FER: variants seen among roughly 807,000 people sequenced by gnomAD.
FER encodes tyrosine-protein kinase Fer.
In FER, 63 loss-of-function variants were observed where a neutral mutation model predicts 111.0. The observed-to-expected ratio is 0.57, with a 90% CI of 0.46 to 0.70. The LOEUF is 0.70. Ranked by LOEUF, FER falls within the 30% of genes least tolerant of loss-of-function variation. The probability of loss-of-function intolerance (pLI) is 0.00; values close to 1 mark genes in which losing one functional copy is unlikely to be tolerated. For missense variants in FER, 914 were observed against 954.0 expected, an observed-to-expected ratio of 0.96 and a Z score of 0.55; for synonymous variants, 327 against 313.9, an observed-to-expected ratio of 1.04 and a Z score of -0.44.
chr5:108,781,696 T>A (rs902752116), intron 2 of FER, among the ~76,000 whole-genome samples: 2 of 152,146 alleles, frequency 1.3e-5, no homozygotes, highest in Non-Finnish European at 2.9e-5. Flanking sequence ...TTCACAGATG[T>A]TTGTTAGCAC....
intron 10 of FER, among the ~76,000 whole-genome samples, chr5:108,912,782 G>A (rs575265408): frequency 6.6e-4 from 101 of 152,292 alleles, no homozygotes; most frequent in Admixed American, 4.2e-3. Context: ...AAAAAATTTG[G>A]GGGGTATTAC....
At chr5:109,003,637 A>G (rs1392875025) in intron 13 of FER, among the ~76,000 whole-genome samples, 1 of 151,930 alleles carries the variant, frequency 6.6e-6, no homozygotes, top group Non-Finnish European at 1.5e-5. Flanking sequence ...TTAAAAAAAT[A>G]AAAATAAAAA....
At position 109,034,723 on chromosome 5, in the gene FER, T is replaced by C. The variant is rs150034778; in HGVS notation, c.1657-2699T>C. On this transcript the variant is annotated intron_variant, in intron 13 of 19. Coordinates refer to ENST00000281092, the MANE Select transcript of FER (RefSeq NM_005246.4). The stretch of plus-strand genomic sequence containing the variant: ...TCTACATTTCAACCTATTTTTTCAG[T>C]GGTTTGCACTACAAGGATTGGGCTC... Among the ~76,000 whole-genome samples, 57 of 152,222 alleles carry C rather than the reference T, an allele frequency of 3.7e-4. No homozygotes were observed. In the East Asian group the frequency reaches 0.01, roughly 27 times the overall value.
intron 2 of FER, chr5:108,784,199 T>G (rs1436147479): frequency 6.5e-6 from 1 of 153,534 alleles, no homozygotes; most frequent in Non-Finnish European, 1.5e-5. Context: ...CCTGTCCACC[T>G]CTCAAGACAA....
intron 10 of FER, among the ~76,000 whole-genome samples, chr5:108,926,071 T>C (rs1753694355): frequency 1.2e-5 from 1 of 82,500 alleles, no homozygotes; most frequent in South Asian, 3.6e-4. Context: ...AATATTTTTC[T>C]TTTTTTTTAT....
At chr5:108,868,591 T>C (rs1052009860) in intron 6 of FER, among the ~76,000 whole-genome samples, 3 of 152,096 alleles carry the variant, frequency 2.0e-5, no homozygotes, top group Admixed American at 2.0e-4. Flanking sequence ...TCCAAATGAC[T>C]AAATTCAATT....
At chr5:108,861,616 C>T (rs1407840563) in intron 5 of FER, among the ~76,000 whole-genome samples, 1 of 152,058 alleles carries the variant, frequency 6.6e-6, no homozygotes, top group Non-Finnish European at 1.5e-5. Flanking sequence ...GATACTGTGT[C>T]TGTTGAATGA....
intron 16 of FER, among the ~76,000 whole-genome samples, chr5:109,093,461 C>T (rs796347062): frequency 2.9e-4 from 44 of 152,138 alleles, no homozygotes; most frequent in African/African-American, 8.4e-4. Flanking sequence ...ATTCTGACTA[C>T]GACCAACACA....
intron 10 of FER, among the ~76,000 whole-genome samples, chr5:108,923,794 C>T (rs1753354734): frequency 6.6e-6 from 1 of 151,876 alleles, no homozygotes; most frequent in Non-Finnish European, 1.5e-5. Flanking sequence ...CTGTTGAGAC[C>T]TTAGAGATCA....
chr5:109,147,149 T>G (rs1337212307), intron 17 of FER, among the ~76,000 whole-genome samples: 1 of 151,616 alleles, frequency 6.6e-6, no homozygotes, highest in South Asian at 2.1e-4. Flanking sequence ...GAAAACAAAT[T>G]GAACTTATTA....
intron 3 of FER, among the ~76,000 whole-genome samples, chr5:108,803,186 GT>G (rs554801059): frequency 7.3e-5 from 11 of 150,284 alleles, no homozygotes; most frequent in South Asian, 2.1e-4. Context: ...ACTTTTTAAT[GT>G]TTTTTTTTCT....
rs137928536 is a variant in FER at position 108,887,766 on chromosome 5, G to C, written c.1046+4248G>C. 1.6e-4 allele frequency among the ~76,000 whole-genome samples: 25 copies of C among 151,600 alleles called. No homozygotes were observed. In the East Asian group the frequency reaches 4.8e-3, roughly 29 times the overall value. On this transcript the variant is annotated intron_variant, in intron 9 of 19. Coordinates refer to ENST00000281092, the MANE Select transcript of FER (RefSeq NM_005246.4). ...ACTTCTAAAGTCTCTTTATTCAAAT[G>C]GAAATAATACCAATCTTTTCCTGAT...
rs763900081 is a variant in FER, at chr5:109,186,152, A to C, written c.2204-48A>C. On this transcript the variant is annotated intron_variant, in intron 18 of 19. Transcript: ENST00000281092. ...CATACATAACCAGGAAGGGTCACCT[A>C]CTTGTCTACTGTGCCTCATGTGGTT... 8 of 1,613,676 alleles carry C rather than the reference A, an allele frequency of 5.0e-6. No individual in the cohort carries two copies. In the South Asian group the frequency reaches 7.7e-5, roughly 16 times the overall value.
At chr5:108,791,624 C>T (rs888704771) in intron 2 of FER, among the ~76,000 whole-genome samples, 2 of 149,446 alleles carry the variant, frequency 1.3e-5, no homozygotes, top group African/African-American at 4.9e-5. Context: ...TTCTCCCATT[C>T]TGTAGGTTGT....
chr5:108,808,478 T>G (rs1757424730), intron 3 of FER, among the ~76,000 whole-genome samples: 1 of 144,570 alleles, frequency 6.9e-6, no homozygotes, highest in East Asian at 1.9e-4. Flanking sequence ...ACTCTGTGCC[T>G]GTGGGTGTCA....
chr5:108,944,583 C>G (rs1756719847), intron 10 of FER, among the ~76,000 whole-genome samples: 1 of 151,894 alleles, frequency 6.6e-6, no homozygotes, highest in Non-Finnish European at 1.5e-5. Context: ...AAAAATCAAC[C>G]TGTCAATGAA....
intron 13 of FER, among the ~76,000 whole-genome samples, chr5:108,999,029 GAACT>G (rs200998967): frequency 0.011 from 1,600 of 152,240 alleles, 24 homozygotes; most frequent in African/African-American, 0.036. Flanking sequence ...ACCCATATAT[GAACT>G]AACTTTTAAT....
chr5:109,072,485 T>G (rs1226098905), intron 16 of FER, among the ~76,000 whole-genome samples: 1 of 151,820 alleles, frequency 6.6e-6, no homozygotes, highest in Non-Finnish European at 1.5e-5. Context: ...TTGTGCGGTA[T>G]TTTCTGTTGT....
At chr5:108,808,858 G>A (rs1757463617) in intron 3 of FER, among the ~76,000 whole-genome samples, 1 of 152,190 alleles carries the variant, frequency 6.6e-6, no homozygotes, top group African/African-American at 2.4e-5. Flanking sequence ...TTAGTTTGGT[G>A]AGATGTGAAA....
Sources: gnomAD v4.1 joint callset for allele counts (sites outside exome capture counted in the v4.1 genomes callset) on GRCh38, gnomAD v4.1.1 for gene constraint, MANE v1.5 for transcripts, NCBI Gene and HGNC (gene_info 2026-07-23, HGNC 2026-07-21) for gene names.